GANC: variants seen among roughly 807,000 people sequenced by gnomAD.
GANC encodes glucosidase alpha, neutral C.
GANC carries 117 observed loss-of-function variants against 124.2 expected under a neutral mutation model. The observed-to-expected ratio is 0.94, with a 90% CI of 0.81 to 1.10. The LOEUF (loss-of-function observed/expected upper bound fraction) is 1.10, where lower values mean the gene tolerates loss of function less well. Among genes scored for constraint, GANC ranks in the 50% least tolerant of loss-of-function variants. The pLI is 0.00. For missense variants in GANC, 1,140 were observed against 1,095.0 expected (o/e 1.04, Z -0.58); for synonymous variants, 377 against 376.8 (o/e 1.00, Z -0.01).
At chr15:42,314,401 G>T in intron 10 of GANC, 1 of 431,228 alleles carries the variant, frequency 2.3e-6, no homozygotes. Flanking sequence ...TGAATAATTT[G>T]AATCCAGCTT....
At chr15:42,309,651 T>C (rs2052032490) in intron 8 of GANC, among the ~76,000 whole-genome samples, 1 of 151,680 alleles carries the variant, frequency 6.6e-6, no homozygotes, top group African/African-American at 2.4e-5. Context: ...AGAGAAGTAC[T>C]CACAAAATTC....
chr15:42,292,056 A>G (rs1008508026), intron 4 of GANC, among the ~76,000 whole-genome samples: 1 of 152,170 alleles, frequency 6.6e-6, no homozygotes, highest in African/African-American at 2.4e-5. Flanking sequence ...AGAAAGGGAA[A>G]TATCTAGCTT....
At position 42,273,229 on chromosome 15, in the gene GANC, C is replaced by A. The variant is rs763472215; in HGVS notation, c.-1253C>A. 1.4e-5 allele frequency: 23 copies of A among 1,613,424 alleles called. No homozygotes were observed. The highest frequency in any genetic ancestry group is 8.3e-5 in the Admixed American group (5 of 59,994). ...GCCCCACCCCTTGCTCCTCTAGGTTCAGACGTTAGTGAAGTGAATACTCAC... is the reference window on the plus strand; with the variant it reads ...GCCCCACCCCTTGCTCCTCTAGGTTAAGACGTTAGTGAAGTGAATACTCAC... On this transcript the variant is annotated 5_prime_UTR_variant, in exon 1 of 24. Transcript: ENST00000318010.
chr15:42,351,723 A>T (rs1313243190), intron 23 of GANC, among the ~76,000 whole-genome samples: 2 of 152,198 alleles, frequency 1.3e-5, no homozygotes. Context: ...AGACCTGGAA[A>T]ATCCTACCCA....
intron 15 of GANC, among the ~76,000 whole-genome samples, chr15:42,335,564 G>T (rs1194165979): frequency 5.9e-5 from 9 of 152,166 alleles, no homozygotes. Context: ...ACAATACAAG[G>T]ATGCCGTCTG....
chr15:42,329,550 CTCTTTGTGTG>C, intron 14 of GANC, 101 bp downstream of exon 14: 4 of 1,264,446 alleles, frequency 3.2e-6, no homozygotes, highest in Non-Finnish European at 4.3e-6. Context: ...CTGTTCATTT[CTCTTTGTGTG>C]TCTTTTCTGA....
intron 10 of GANC, chr15:42,313,562 A>G (rs1024069107): frequency 6.5e-6 from 1 of 154,032 alleles, no homozygotes; most frequent in South Asian, 2.0e-4. Flanking sequence ...CACTGGGCCC[A>G]TATCCCTCAT....
chr15:42,308,116 G>A, intron 7 of GANC, 106 bp from the exon 8 acceptor site: 1 of 629,356 alleles, frequency 1.6e-6, no homozygotes, highest in Non-Finnish European at 2.8e-6. Context: ...GTGAGCCCAG[G>A]TCTCTCAGCC....
chr15:42,326,506 C>T (rs1356728159), intron 12 of GANC, 82 bp downstream of exon 12: 10 of 1,588,174 alleles, frequency 6.3e-6, no homozygotes, highest in African/African-American at 5.4e-5. Context: ...ATTCTGCTCC[C>T]TTGTAGATGT....
chr15:42,329,916 A>G (rs1271962421), intron 14 of GANC, among the ~76,000 whole-genome samples: 1 of 152,240 alleles, frequency 6.6e-6, no homozygotes, highest in Non-Finnish European at 1.5e-5. Context: ...AAAAATGTAA[A>G]GCCTTCCTTA....
intron 2 of GANC, chr15:42,278,005 A>T (rs757923681): frequency 2.6e-6 from 1 of 377,982 alleles, no homozygotes; most frequent in Non-Finnish European, 5.6e-6. Flanking sequence ...TTTCTAACAT[A>T]TTCCCTCTCT....
chr15:42,293,393 GA>G (rs1444528486), intron 5 of GANC, among the ~76,000 whole-genome samples: 1 of 152,026 alleles, frequency 6.6e-6, no homozygotes, highest in Non-Finnish European at 1.5e-5. Flanking sequence ...CCATTCTTAC[GA>G]ACACTGTTTT....
intron 18 of GANC, among the ~76,000 whole-genome samples, chr15:42,342,643 G>A (rs2052336058): frequency 6.6e-6 from 1 of 151,896 alleles, no homozygotes; most frequent in South Asian, 2.1e-4. Context: ...ATAACTCCAA[G>A]CAAGAGGGTC....
chr15:42,341,668 A>G (rs1027790804), intron 18 of GANC, among the ~76,000 whole-genome samples: 3 of 151,918 alleles, frequency 2.0e-5, no homozygotes, highest in Non-Finnish European at 4.4e-5. Context: ...GGCTCAAGCA[A>G]TCCTCCCACC....
intron 15 of GANC, among the ~76,000 whole-genome samples, chr15:42,336,069 T>G (rs2052280610): frequency 6.6e-6 from 1 of 151,874 alleles, no homozygotes; most frequent in Non-Finnish European, 1.5e-5. Flanking sequence ...TTCCGTGCTA[T>G]TCCTGTCAAA....
intron 20 of GANC, 121 bp downstream of exon 20, chr15:42,345,953 T>C: frequency 1.5e-6 from 1 of 684,614 alleles, no homozygotes; most frequent in South Asian, 1.9e-5. Flanking sequence ...TCTCGAAGTT[T>C]TGGAGGCTGG....
At chr15:42,296,485 C>T (rs2051892530) in intron 5 of GANC, among the ~76,000 whole-genome samples, 1 of 152,138 alleles carries the variant, frequency 6.6e-6, no homozygotes, top group South Asian at 2.1e-4. Context: ...CTCCCAATTG[C>T]AGGTTCAAGC....
intron 4 of GANC, among the ~76,000 whole-genome samples, chr15:42,291,125 G>A (rs2051836789): frequency 6.6e-6 from 1 of 152,068 alleles, no homozygotes; most frequent in Non-Finnish European, 1.5e-5. Context: ...GAGAAGGCTT[G>A]CATGCCTGAA....
chr15:42,297,740 C>CT, intron 6 of GANC, 84 bp downstream of exon 6: 1 of 987,174 alleles, frequency 1.0e-6, no homozygotes. Flanking sequence ...TTTCTTCCTT[C>CT]TACAGAAGGG....
Sources: gnomAD v4.1 joint callset for allele counts (sites outside exome capture counted in the v4.1 genomes callset) on GRCh38, gnomAD v4.1.1 for gene constraint, MANE v1.5 for transcripts, NCBI Gene and HGNC (gene_info 2026-07-23, HGNC 2026-07-21) for gene names.